The following TMEM132D variants were observed in gnomAD, a reference collection of about 807,000 sequenced individuals.
The protein encoded by TMEM132D is mature OL transmembrane protein.
A neutral mutation model predicts 62.3 loss-of-function variants in TMEM132D; 21 were observed. The observed-to-expected ratio is 0.34, with a 90% CI of 0.24 to 0.49. The LOEUF (loss-of-function observed/expected upper bound fraction) is 0.49. TMEM132D is among the 20% of genes least tolerant of loss of function. TMEM132D has a pLI of 0.99. For missense variants in TMEM132D, 1,346 were observed against 1,402.8 expected (o/e 0.96, Z 0.65); for synonymous variants, 621 against 575.6 (o/e 1.08, Z -1.13).
chr12:129,774,266 CCTCT>C (rs1356194453), intron 1 of TMEM132D, among the ~76,000 whole-genome samples: 1 of 152,166 alleles, frequency 6.6e-6, no homozygotes, highest in East Asian at 1.9e-4. Context: ...TTCATCTCTG[CCTCT>C]CTGAGGACTT....
At chr12:129,182,087 C>T (rs7134394) in intron 5 of TMEM132D, among the ~76,000 whole-genome samples, 50,653 of 151,954 alleles carry the variant, frequency 0.33, 9,021 homozygotes, top group East Asian at 0.57. Flanking sequence ...GCTGGCCAGG[C>T]GCGGTGTCTC....
intron 1 of TMEM132D, among the ~76,000 whole-genome samples, chr12:129,868,628 C>A (rs1340967625): frequency 6.6e-6 from 1 of 152,162 alleles, no homozygotes; most frequent in Non-Finnish European, 1.5e-5. Flanking sequence ...TGCCCTGTAC[C>A]CCTGTAAGCA....
intron 4 of TMEM132D, among the ~76,000 whole-genome samples, chr12:129,285,539 A>AAAAAAAAAAAAAAAAAGAGAG (rs56018646): frequency 3.3e-5 from 3 of 90,078 alleles, no homozygotes; most frequent in African/African-American, 1.2e-4. Flanking sequence ...AAAAAAAAAA[A>AAAAAAAAAAAAAAAAAGAGAG]AGAGAGAGAG....
intron 5 of TMEM132D, among the ~76,000 whole-genome samples, chr12:129,097,991 A>G (rs1050154401): frequency 6.6e-6 from 1 of 152,236 alleles, no homozygotes; most frequent in Non-Finnish European, 1.5e-5. Flanking sequence ...ATCACCAAAC[A>G]CGATGATATC....
intron 5 of TMEM132D, among the ~76,000 whole-genome samples, chr12:129,087,900 C>CTATGA (rs1874680531): frequency 7.3e-6 from 1 of 136,364 alleles, no homozygotes; most frequent in African/African-American, 2.9e-5. Context: ...GGGGTGTCCT[C>CTATGA]CCTGACCGGG....
At chr12:129,888,208 C>T (rs1269566827) in intron 1 of TMEM132D, among the ~76,000 whole-genome samples, 1 of 152,120 alleles carries the variant, frequency 6.6e-6, no homozygotes, top group Non-Finnish European at 1.5e-5. Context: ...GTTTTTACAT[C>T]TAATTAAGGA....
At chr12:129,122,535 A>C (rs574285182) in intron 5 of TMEM132D, among the ~76,000 whole-genome samples, 39 of 152,280 alleles carry the variant, frequency 2.6e-4, no homozygotes, top group African/African-American at 8.7e-4. Context: ...CATTCAATAG[A>C]GGATCAATAG....
intron 4 of TMEM132D, among the ~76,000 whole-genome samples, chr12:129,244,220 C>G (rs1008758548): frequency 2.3e-5 from 2 of 87,076 alleles, no homozygotes; most frequent in South Asian, 7.8e-4. Flanking sequence ...CCCGTCTCTA[C>G]TAAAAATACA....
intron 3 of TMEM132D, among the ~76,000 whole-genome samples, chr12:129,429,923 T>A (rs1593004840): frequency 6.6e-6 from 1 of 152,082 alleles, no homozygotes; most frequent in East Asian, 1.9e-4. Flanking sequence ...CATCCTTTTT[T>A]ATGGCTGCAT....
chr12:129,235,922 G>C (rs1879766476), intron 4 of TMEM132D, among the ~76,000 whole-genome samples: 1 of 152,084 alleles, frequency 6.6e-6, no homozygotes, highest in African/African-American at 2.4e-5. Context: ...CATTGAATCT[G>C]TAGATCACTT....
rs767567527 is a variant in TMEM132D, at chr12:129,084,486, G to GACAT, written c.1649+7_1649+10dup. The GACAT allele has an allele frequency of 1.9e-6, 3 of 1,580,898 alleles. No homozygotes were observed. The highest frequency in any genetic ancestry group is 2.7e-5 in the African/African-American group (2 of 74,306). ...CCTTAGCCTGCCATGGAGTTTCAGG[G>GACAT]ACATACCCACCTCCTGCTGGAGACG... is the stretch of plus-strand genomic sequence containing the variant. On this transcript the variant is annotated intron_variant, in intron 6 of 8. Coordinates refer to ENST00000422113, the MANE Select transcript of TMEM132D (RefSeq NM_133448.3).
At chr12:129,276,531 C>A (rs2135605466) in intron 4 of TMEM132D, among the ~76,000 whole-genome samples, 1 of 152,276 alleles carries the variant, frequency 6.6e-6, no homozygotes, top group Middle Eastern at 3.4e-3. Flanking sequence ...TAAATCCTAG[C>A]AAGCTATCAA....
intron 5 of TMEM132D, among the ~76,000 whole-genome samples, chr12:129,202,329 C>T (rs1444581450): frequency 2.6e-5 from 4 of 152,190 alleles, no homozygotes; most frequent in Non-Finnish European, 4.4e-5. Context: ...GACACCAACA[C>T]ATCACACGTA....
rs1213244717 is a variant in TMEM132D at position 129,531,094 on chromosome 12, G to T, written c.1080C>A (p.Ile360=). ...DYTGKYAPAV[I]VCQKKAAGSE... ...AGCCAGCTGCTTTCTTCTGACAAAC[G>T]ATGACAGCTGGTGCATACTTTCCAG... is the stretch of plus-strand genomic sequence containing the variant. Residue 360 remains isoleucine, a synonymous_variant, in exon 3 of 9, where the codon ATC becomes ATA. Coordinates refer to ENST00000422113, the MANE Select transcript of TMEM132D (RefSeq NM_133448.3). 3 of 1,613,246 alleles carry T rather than the reference G, an allele frequency of 1.9e-6. No homozygotes were observed. In the Admixed American group the frequency reaches 5.0e-5, roughly 27 times the overall value.
intron 3 of TMEM132D, among the ~76,000 whole-genome samples, chr12:129,365,222 G>A (rs1750514805): frequency 1.3e-5 from 2 of 152,188 alleles, no homozygotes; most frequent in South Asian, 4.1e-4. Context: ...TCACAGGTCA[G>A]CTAAGGTATC....
intron 5 of TMEM132D, among the ~76,000 whole-genome samples, chr12:129,179,460 G>T (rs1031859462): frequency 2.6e-5 from 4 of 152,112 alleles, no homozygotes; most frequent in African/African-American, 9.7e-5. Context: ...GGAGACAAGG[G>T]TGATGGAGTA....
At chr12:129,648,657 G>A (rs1225650329) in intron 2 of TMEM132D, among the ~76,000 whole-genome samples, 2 of 152,146 alleles carry the variant, frequency 1.3e-5, no homozygotes, top group Non-Finnish European at 2.9e-5. Flanking sequence ...TCTTAATAAT[G>A]TATCTATGTT....
chr12:129,763,072 T>G (rs1870436440), intron 1 of TMEM132D, among the ~76,000 whole-genome samples: 2 of 152,158 alleles, frequency 1.3e-5, no homozygotes, highest in South Asian at 4.1e-4. Context: ...CATCTTTAGC[T>G]TTTTGTTGTT....
rs1876388142 is a variant in TMEM132D, at chr12:129,536,327, G to C, written c.969-5122C>G. Among the ~76,000 whole-genome samples the C allele has an allele frequency of 2.0e-5, 3 of 152,220 alleles. No homozygotes were observed. The South Asian group carries it at 6.2e-4, about 32-fold the overall frequency. ...TTAATTGATGGAAACATGCCCTTTG[G>C]GGTCACAGCAAAGCTTTTTTGAATT... On this transcript the variant is annotated intron_variant, in intron 2 of 8. Coordinates refer to ENST00000422113, the MANE Select transcript of TMEM132D (RefSeq NM_133448.3).
Sources: allele counts gnomAD v4.1 joint callset (sites outside exome capture counted in the v4.1 genomes callset), GRCh38; gene constraint gnomAD v4.1.1; transcripts MANE v1.5; gene names NCBI Gene and HGNC (gene_info 2026-07-23, HGNC 2026-07-21).